The following WRN variants were observed in gnomAD, a reference collection of about 807,000 sequenced individuals.
WRN encodes the protein bifunctional 3'-5' exonuclease/ATP-dependent helicase WRN.
In WRN, 149 loss-of-function variants were observed where a neutral mutation model predicts 180.7. The ratio of observed to expected loss-of-function variants is 0.82; its 90% confidence interval spans 0.72 to 0.94. WRN has a LOEUF of 0.94. Ranked by LOEUF, WRN falls within the 40% of genes least tolerant of loss-of-function variation. WRN has a pLI of 0.00. For missense variants in WRN, 1,661 were observed against 1,700.1 expected (o/e 0.98, Z 0.40); for synonymous variants, 548 against 568.9 (o/e 0.96, Z 0.52).
intron 1 of WRN, among the ~76,000 whole-genome samples, chr8:31,037,400 C>T (rs1018217941): frequency 6.6e-6 from 1 of 152,214 alleles, no homozygotes; most frequent in Admixed American, 6.5e-5. Context: ...TGCTTTGTGG[C>T]CTGGTTCCTA....
chr8:31,061,909 G>A (rs1244716085), intron 3 of WRN, among the ~76,000 whole-genome samples: 2 of 152,118 alleles, frequency 1.3e-5, no homozygotes, highest in Non-Finnish European at 2.9e-5. Flanking sequence ...ATTCTGCAAA[G>A]ACCAAAGGAG....
chr8:31,055,038 A>G (rs1812214651), intron 1 of WRN, among the ~76,000 whole-genome samples: 1 of 152,234 alleles, frequency 6.6e-6, no homozygotes, highest in African/African-American at 2.4e-5. Flanking sequence ...ATGTCCCTGC[A>G]AAGTACATGA....
At chr8:31,156,530 G>C (rs1436338977) in intron 32 of WRN, among the ~76,000 whole-genome samples, 2 of 152,194 alleles carry the variant, frequency 1.3e-5, no homozygotes, top group African/African-American at 4.8e-5. Flanking sequence ...TTTAATGAAA[G>C]TAATTTAAAA....
At chr8:31,168,058 C>T (rs1803967706) in intron 34 of WRN, among the ~76,000 whole-genome samples, 1 of 151,952 alleles carries the variant, frequency 6.6e-6, no homozygotes, top group Admixed American at 6.6e-5. Flanking sequence ...ATAGGATGTC[C>T]AGCAATTAAA....
Position 31,064,287 on chromosome 8 carries a change from A to G in WRN, c.210-2A>G, listed in dbSNP as rs1812609444. 1 of 1,613,956 alleles carries G rather than the reference A, an allele frequency of 6.2e-7. No homozygotes were observed. ...TAATTTACACTATTTTTCTCACTTT[A>G]GCATGAGTCTATCAGATGGGGATGT... On this transcript the variant is annotated splice_acceptor_variant, in intron 3 of 34. Transcript: ENST00000298139. LOFTEE classifies it high-confidence loss of function.
intron 32 of WRN, among the ~76,000 whole-genome samples, chr8:31,155,627 A>G (rs1803356921): frequency 6.6e-6 from 1 of 151,752 alleles, no homozygotes; most frequent in Non-Finnish European, 1.5e-5. Flanking sequence ...GTCTCCAAAA[A>G]AAAAAAAAAA....
chr8:31,051,732 T>C (rs1388722703), intron 1 of WRN, among the ~76,000 whole-genome samples: 2 of 152,194 alleles, frequency 1.3e-5, no homozygotes, highest in Admixed American at 1.3e-4. Flanking sequence ...CTTATTGATA[T>C]TTTAGAATGC....
At position 31,124,909 on chromosome 8, in the gene WRN, A is replaced by G; in HGVS notation, c.2734A>G (p.Ile912Val). ...AATTTAAAATTTTGTCTTGGGTAGA[A>G]TCATCTTGTCTCATTTTGAGGACAA... ...YLHSSRCRRQIILSHFEDKQV... is the reference protein window; with the variant it reads ...YLHSSRCRRQVILSHFEDKQV... The change falls in exon 23 of 35, where the codon ATC becomes GTC. Residue 912 changes from isoleucine to valine, a missense_variant and splice_region_variant. Ile to Val is a conservative substitution (Grantham distance 29, BLOSUM62 3). This residue lies in a region of WRN where 1,141 missense variants were observed against 1,149.4 expected (regional missense o/e 0.99). Coordinates refer to ENST00000298139, the MANE Select transcript of WRN (RefSeq NM_000553.6). The G allele has an allele frequency of 1.2e-6, 2 of 1,612,714 alleles. No homozygotes were observed. The highest frequency in any genetic ancestry group is 1.7e-6 in the Non-Finnish European group (2 of 1,179,228).
intron 34 of WRN, among the ~76,000 whole-genome samples, chr8:31,170,850 C>G (rs1804074183): frequency 2.0e-5 from 3 of 152,144 alleles, no homozygotes; most frequent in Admixed American, 6.5e-5. Flanking sequence ...TAAGCATTTC[C>G]CCGCTTTTCC....
chr8:31,088,026 A>G (rs530267466), intron 12 of WRN, 106 bp downstream of exon 12: 2 of 1,532,492 alleles, frequency 1.3e-6, no homozygotes, highest in East Asian at 2.5e-5. Context: ...TTTGTGGCAT[A>G]TAGTTAATTA....
chr8:31,064,088 T>C (rs1812598460), intron 3 of WRN, among the ~76,000 whole-genome samples: 1 of 152,174 alleles, frequency 6.6e-6, no homozygotes, highest in African/African-American at 2.4e-5. Flanking sequence ...TTTTTCTCCA[T>C]TTTTCTGCTG....
chr8:31,163,636 T>C (rs1803724270), intron 33 of WRN, among the ~76,000 whole-genome samples: 1 of 152,154 alleles, frequency 6.6e-6, no homozygotes, highest in Non-Finnish European at 1.5e-5. Flanking sequence ...TCTTTATTTA[T>C]TGAGTGTCTT....
chr8:31,124,376 T>TC, intron 21 of WRN, 146 bp from the exon 22 acceptor site: 2 of 623,462 alleles, frequency 3.2e-6, no homozygotes, highest in South Asian at 4.3e-5. Context: ...AACAGAACTT[T>TC]CTGAGATGCT....
intron 20 of WRN, among the ~76,000 whole-genome samples, chr8:31,117,382 G>A (rs1014475285): frequency 1.3e-5 from 2 of 152,112 alleles, no homozygotes; most frequent in Non-Finnish European, 1.5e-5. Context: ...CATTAGACTG[G>A]CAGCAATAAG....
At chr8:31,084,394 T>G (rs556016375) in intron 10 of WRN, among the ~76,000 whole-genome samples, 1 of 152,326 alleles carries the variant, frequency 6.6e-6, no homozygotes, top group Admixed American at 6.5e-5. Flanking sequence ...ATTCGTTAAA[T>G]AAGAAGTAAA....
Position 31,174,753 on chromosome 8 carries a change from T to A in WRN, c.*1651T>A, listed in dbSNP as rs1271262110. Among the ~76,000 whole-genome samples the A allele has an allele frequency of 6.8e-6, 1 of 146,712 alleles. No individual in the cohort carries two copies. The highest frequency in any genetic ancestry group is 2.5e-5 in the African/African-American group (1 of 39,442). ...CTCCTCCTCCTCCTTCTTCTTCCTCTTCCTCTTCTTCTTTCTCTCTTTCCT... is the reference window on the plus strand; with the variant it reads ...CTCCTCCTCCTCCTTCTTCTTCCTCATCCTCTTCTTCTTTCTCTCTTTCCT... On this transcript the variant is annotated 3_prime_UTR_variant, in exon 35 of 35. Transcript: ENST00000298139.
At chr8:31,116,322 A>G (rs772543401) in intron 19 of WRN, 32 bp from the exon 20 acceptor site, 108 of 1,610,968 alleles carry the variant, frequency 6.7e-5, no homozygotes, top group Non-Finnish European at 7.8e-5. Flanking sequence ...TAAAGTATAT[A>G]TGTTTGCTCT....
chr8:31,142,679 T>C lies in WRN; in HGVS notation c.3287T>C (p.Val1096Ala). The change falls in exon 27 of 35, where the codon GTT becomes GCT. Residue 1096 changes from valine (V) to alanine (A), a missense_variant. Physicochemically the swap from Val to Ala is moderately conservative, Grantham distance 64 (BLOSUM62 0). Coordinates refer to ENST00000298139, the MANE Select transcript of WRN (RefSeq NM_000553.6). The part of the protein sequence containing the change: ...TKEHCYNQVP[V>A]ELSTEKKSNL... ...GAGCATTGTTATAATCAAGTACCAG[T>C]TGAATTAAGTACAGAGAAGAAGGTT... 1 of 1,604,968 alleles carries C rather than the reference T, an allele frequency of 6.2e-7. No homozygotes were observed. Among genetic ancestry groups the C allele is most frequent in the Non-Finnish European group, 8.5e-7 (1 of 1,175,664 alleles).
intron 11 of WRN, among the ~76,000 whole-genome samples, chr8:31,086,200 A>AT (rs1491079897): frequency 2.7e-5 from 1 of 37,618 alleles, no homozygotes; most frequent in African/African-American, 4.9e-5. Flanking sequence ...GGTTGATGAG[A>AT]TTTTTTTATT....
Sources: allele counts gnomAD v4.1 joint callset (sites outside exome capture counted in the v4.1 genomes callset), GRCh38; gene constraint gnomAD v4.1.1; regional missense constraint gnomAD v4.1.1; transcripts MANE v1.5; gene names NCBI Gene and HGNC (gene_info 2026-07-23, HGNC 2026-07-21).